SMG1: variants seen among roughly 807,000 people sequenced by gnomAD.
SMG1 encodes SMG1 nonsense mediated mRNA decay associated PI3K related kinase, also known as serine/threonine-protein kinase SMG1.
SMG1 carries 22 observed loss-of-function variants against 419.9 expected under a neutral mutation model. That is an observed-to-expected ratio of 0.05 (90% CI 0.04 to 0.07). The LOEUF (loss-of-function observed/expected upper bound fraction) is 0.07, where lower values mean the gene tolerates loss of function less well. SMG1 is among the 10% of genes least tolerant of loss of function. SMG1 has a pLI of 1.00. For synonymous variants in SMG1, 1,538 were observed against 1,553.5 expected (o/e 0.99, Z 0.23); for missense variants, 3,185 against 4,342.0 (o/e 0.73, Z 7.49).
rs751761287 is a variant in SMG1 at position 18,880,720 on chromosome 16, A to AG, written c.1294-1002_1294-1001insC. ...ACAGAGACCATGTCTCCAAAAAAAA[A>AG]AGGGGGGGGGCGCGGAGGGGGAAGC... is the stretch of plus-strand genomic sequence containing the variant. On this transcript the variant is annotated intron_variant, in intron 10 of 62. Transcript: ENST00000446231. Among the ~76,000 whole-genome samples the AG allele has an allele frequency of 3.4e-3, 117 of 34,596 alleles. 6 individuals are homozygous for AG. Among genetic ancestry groups the AG allele is most frequent in the African/African-American group, 0.012 (100 of 8,014 alleles). The allele number at this position is 34,596 out of a possible 152,430, so 22.7% of individuals were successfully genotyped here.
At chr16:18,859,761 T>C (rs1453036351) in intron 26 of SMG1, 58 bp from the exon 27 acceptor site, 1 of 1,436,286 alleles carries the variant, frequency 7.0e-7, no homozygotes, top group Non-Finnish European at 9.4e-7. Flanking sequence ...AAATTTTGAT[T>C]TATGTTTGGC....
At chr16:18,888,989 A>AT (rs918479395) in intron 6 of SMG1, among the ~76,000 whole-genome samples, 1 of 150,794 alleles carries the variant, frequency 6.6e-6, no homozygotes, top group African/African-American at 2.4e-5. Flanking sequence ...CGCCTGGCTA[A>AT]TTTTTTTTGT....
At chr16:18,899,947 T>A in intron 1 of SMG1, 1 of 1,039,640 alleles carries the variant, frequency 9.6e-7, no homozygotes, top group Non-Finnish European at 1.4e-6. Context: ...TAAAGCCTGA[T>A]GTACATGCCA....
At chr16:18,849,154 C>T in intron 36 of SMG1, 63 bp downstream of exon 36, 1 of 1,085,730 alleles carries the variant, frequency 9.2e-7, no homozygotes, top group Non-Finnish European at 1.2e-6. Context: ...AAAACTTTGA[C>T]CTCACTAAAA....
chr16:18,869,195 C>T lies in SMG1; in HGVS notation c.2742G>A (p.Gln914=). The change falls in exon 20 of 63, where the codon CAG becomes CAA. Residue 914 remains glutamine, a synonymous_variant. Transcript: ENST00000446231. ...NLLKTDAVLW[Q]WAIWEAAQFT... is the part of the protein sequence containing the mutation. ...ATTGTGCAGCTTCCCATATGGCCCA[C>T]TGCCAAAGGACAGCATCTGTCTTCA... 1.9e-6 allele frequency: 3 copies of T among 1,611,764 alleles called. No homozygotes were observed. The highest frequency in any genetic ancestry group is 1.7e-6 in the Non-Finnish European group (2 of 1,179,664).
intron 18 of SMG1, among the ~76,000 whole-genome samples, chr16:18,870,377 C>T (rs554760778): frequency 1.1e-4 from 16 of 152,346 alleles, no homozygotes; most frequent in African/African-American, 3.1e-4. Context: ...TTTGGCACTA[C>T]ATGAGTTATT....
intron 54 of SMG1, among the ~76,000 whole-genome samples, chr16:18,828,720 C>T (rs1315166262): frequency 6.6e-6 from 1 of 152,180 alleles, no homozygotes; most frequent in African/African-American, 2.4e-5. Context: ...ATATTTATGC[C>T]AGGCATGGTG....
intron 1 of SMG1, among the ~76,000 whole-genome samples, chr16:18,905,493 T>C (rs1307576304): frequency 3.9e-5 from 6 of 152,186 alleles, no homozygotes; most frequent in African/African-American, 7.2e-5. Context: ...CATGAGACTT[T>C]TTCAGTTCAC....
chr16:18,819,837 C>T (rs1264753843), intron 55 of SMG1, among the ~76,000 whole-genome samples, 183 bp from the exon 56 acceptor site: 1 of 152,162 alleles, frequency 6.6e-6, no homozygotes, highest in Non-Finnish European at 1.5e-5. Flanking sequence ...ACATTTAAGG[C>T]CAAACATGTA....
intron 27 of SMG1, 162 bp from the exon 28 acceptor site, chr16:18,859,343 T>G: frequency 1.5e-6 from 1 of 666,120 alleles, no homozygotes; most frequent in East Asian, 2.7e-5. Context: ...GTCAAGACAT[T>G]TGCTTTTGGG....
intron 31 of SMG1, among the ~76,000 whole-genome samples, chr16:18,852,929 G>A (rs149243944): frequency 6.6e-6 from 1 of 152,308 alleles, no homozygotes; most frequent in African/African-American, 2.4e-5. Context: ...GCCTGCTATA[G>A]TGCATCTGAC....
chr16:18,847,739 T>C (rs562754109), intron 37 of SMG1, 77 bp downstream of exon 37: 189 of 1,571,018 alleles, frequency 1.2e-4, no homozygotes, highest in East Asian at 4.5e-4. Context: ...TGACCAGTGA[T>C]TGTCAATACA....
intron 41 of SMG1, among the ~76,000 whole-genome samples, chr16:18,840,632 A>C (rs2033861887): frequency 6.6e-6 from 1 of 152,196 alleles, no homozygotes; most frequent in African/African-American, 2.4e-5. Flanking sequence ...TTAAACTCCT[A>C]GTCTAAATCA....
At chr16:18,846,445 G>A (rs1448631873) in intron 38 of SMG1, among the ~76,000 whole-genome samples, 1 of 152,054 alleles carries the variant, frequency 6.6e-6, no homozygotes, top group Admixed American at 6.6e-5. Context: ...ACAACCCACA[G>A]AATGGCAGCA....
intron 6 of SMG1, among the ~76,000 whole-genome samples, chr16:18,888,446 A>C (rs2036732815): frequency 7.3e-5 from 11 of 149,800 alleles, no homozygotes; most frequent in Admixed American, 4.0e-4. Context: ...ATCTCAAAAA[A>C]ACATTTCTAA....
chr16:18,924,405 T>C (rs1487912238), intron 1 of SMG1, among the ~76,000 whole-genome samples: 3 of 152,218 alleles, frequency 2.0e-5, no homozygotes, highest in Non-Finnish European at 4.4e-5. Flanking sequence ...AAGGGCACTT[T>C]ATTCTTCTAA....
intron 25 of SMG1, among the ~76,000 whole-genome samples, chr16:18,863,143 T>C (rs1362796392): frequency 6.6e-6 from 1 of 152,236 alleles, no homozygotes; most frequent in Non-Finnish European, 1.5e-5. Context: ...GGCAAGGGTA[T>C]CAGACAAAGT....
chr16:18,853,601 T>C lies in SMG1; in HGVS notation c.4750A>G (p.Ile1584Val), dbSNP rs769463325. ...VNTMEEEYPR[I>V]ESESTVHIGV... The stretch of plus-strand genomic sequence containing the variant: ...ACTCTACCTGTAGATTCACTCTCGA[T>C]CCGAGGATACTCTTCTTCCATCGTA... The change falls in exon 31 of 63, where the codon ATC becomes GTC. Residue 1584 changes from isoleucine (I) to valine (V), a missense_variant. Ile to Val is a conservative substitution (Grantham distance 29). Around this residue, in one of 27 missense-constraint regions of SMG1, gnomAD observed 493 missense variants for 552.9 expected, o/e 0.89. Transcript: ENST00000446231. The C allele has an allele frequency of 2.5e-6, 4 of 1,601,858 alleles. No individual in the cohort carries two copies. Among genetic ancestry groups the C allele is most frequent in the Admixed American group, 3.4e-5 (2 of 58,344 alleles).
intron 8 of SMG1, chr16:18,884,636 A>C (rs2036542915): frequency 5.7e-6 from 1 of 176,854 alleles, no homozygotes; most frequent in African/African-American, 2.4e-5. Flanking sequence ...AAACAAACTG[A>C]AATGTGCAAA....
Sources: gnomAD v4.1 joint callset for allele counts (sites outside exome capture counted in the v4.1 genomes callset) on GRCh38, gnomAD v4.1.1 for gene constraint, gnomAD v4.1.1 regional missense constraint, MANE v1.5 for transcripts, NCBI Gene and HGNC (gene_info 2026-07-23, HGNC 2026-07-21) for gene names.